The following SNX29 variants were observed in gnomAD, a reference collection of about 807,000 sequenced individuals.
SNX29 encodes sorting nexin-29.
SNX29 carries 78 observed loss-of-function variants against 102.1 expected under a neutral mutation model. The observed-to-expected ratio is 0.76, with a 90% CI of 0.64 to 0.92. The LOEUF (loss-of-function observed/expected upper bound fraction) is 0.92. SNX29 is among the 40% of genes least tolerant of loss of function. The pLI, the probability that SNX29 is intolerant of heterozygous loss-of-function variation, is 0.00. For missense variants in SNX29, 1,280 were observed against 1,061.7 expected (o/e 1.21, Z -2.86); for synonymous variants, 580 against 414.5 (o/e 1.40, Z -4.85).
intron 15 of SNX29, among the ~76,000 whole-genome samples, chr16:12,329,868 T>C (rs2081244546): frequency 6.6e-6 from 1 of 152,196 alleles, no homozygotes; most frequent in Admixed American, 6.5e-5. Flanking sequence ...TGACAAGAGC[T>C]GTTTTTTTCT....
In SNX29 at chr16:12,431,955, GC is replaced by G. The variant is rs2085335216; in HGVS notation, c.2037+28429del. 3.9e-5 allele frequency among the ~76,000 whole-genome samples: 6 copies of G among 152,334 alleles called. No homozygotes were observed. In the South Asian group the frequency reaches 1.2e-3, roughly 32 times the overall value. ...AACCTTCTGTGCAGGCCTCTTCTGT[GC>G]CCTGGGGATATACTCAGGAGGCCAG... On this transcript the variant is annotated intron_variant, in intron 18 of 20. Transcript: ENST00000566228.
At chr16:12,521,785 C>G (rs890659021) in intron 19 of SNX29, among the ~76,000 whole-genome samples, 1 of 152,192 alleles carries the variant, frequency 6.6e-6, no homozygotes, top group Non-Finnish European at 1.5e-5. Flanking sequence ...AACCAAGGAG[C>G]AGAACCAGCA....
chr16:12,464,757 A>T (rs530091862), intron 18 of SNX29, among the ~76,000 whole-genome samples: 1 of 152,214 alleles, frequency 6.6e-6, no homozygotes, highest in Admixed American at 6.5e-5. Flanking sequence ...ACCCTGTCTT[A>T]TTTTCTTTAG....
Position 12,474,516 on chromosome 16 carries a change from G to C in SNX29, c.2038-3203G>C, listed in dbSNP as rs143434973. ...GGTGCCCATGTGGAAGGTGGAGAGA[G>C]AGCAGTTGGAGAAGAGGGAGACTGA... is the stretch of plus-strand genomic sequence containing the variant. On this transcript the variant is annotated intron_variant, in intron 18 of 20. Coordinates refer to ENST00000566228, the MANE Select transcript of SNX29 (RefSeq NM_032167.5). 1.6e-4 allele frequency among the ~76,000 whole-genome samples: 25 copies of C among 152,296 alleles called. No individual in the cohort carries two copies. In the East Asian group the frequency reaches 4.1e-3, roughly 25 times the overall value.
At chr16:12,499,337 A>G (rs554696207) in intron 19 of SNX29, among the ~76,000 whole-genome samples, 1 of 152,310 alleles carries the variant, frequency 6.6e-6, no homozygotes, top group African/African-American at 2.4e-5. Context: ...TTTGTGGTGG[A>G]TTAGGCTTCA....
intron 20 of SNX29, among the ~76,000 whole-genome samples, chr16:12,538,535 A>AG (rs1369598849): frequency 2.0e-5 from 3 of 152,102 alleles, no homozygotes; most frequent in Non-Finnish European, 4.4e-5. Flanking sequence ...CTTATGCGTG[A>AG]GGTGATGGGC....
chr16:12,564,289 T>C (rs895975447), intron 20 of SNX29, among the ~76,000 whole-genome samples: 2 of 152,246 alleles, frequency 1.3e-5, no homozygotes, highest in Admixed American at 1.3e-4. Context: ...TAAAAGTTCC[T>C]ATGAAGTTGC....
chr16:12,265,073 A>G (rs1331851018), intron 14 of SNX29, among the ~76,000 whole-genome samples: 2 of 152,236 alleles, frequency 1.3e-5, no homozygotes, highest in African/African-American at 2.4e-5. Context: ...GGGGTGATCC[A>G]TGATACCCTG....
In SNX29 at chr16:12,568,865, C is replaced by T. The variant is rs753392253; in HGVS notation, c.*236C>T. The T allele has an allele frequency of 6.5e-6, 4 of 610,888 alleles. No individual in the cohort carries two copies. In the East Asian group the frequency reaches 9.2e-5, roughly 14 times the overall value. The allele number at this position is 610,888 out of a possible 1,614,324, so 37.8% of individuals were successfully genotyped here. ...CGCTGGAGAGACTGGGACACACAGT[C>T]CTTCTGCTTCTGGGGTCTACCCTGG... On this transcript the variant is annotated 3_prime_UTR_variant, in exon 21 of 21. Coordinates refer to ENST00000566228, the MANE Select transcript of SNX29 (RefSeq NM_032167.5).
intron 1 of SNX29, among the ~76,000 whole-genome samples, chr16:11,998,449 A>G (rs1000665188): frequency 2.0e-5 from 3 of 152,142 alleles, no homozygotes; most frequent in African/African-American, 4.8e-5. Flanking sequence ...TAACAGCCCA[A>G]TGTGCAGTGG....
chr16:12,529,830 C>G (rs767373945), intron 20 of SNX29, among the ~76,000 whole-genome samples: 3 of 152,148 alleles, frequency 2.0e-5, no homozygotes, highest in Non-Finnish European at 4.4e-5. Flanking sequence ...TCACTTGAAC[C>G]TAAGCTGCTT....
At chr16:12,543,645 C>G (rs1442561173) in intron 20 of SNX29, among the ~76,000 whole-genome samples, 1 of 152,092 alleles carries the variant, frequency 6.6e-6, no homozygotes, top group African/African-American at 2.4e-5. Context: ...CTGGTGCCGT[C>G]TGTCTCCAGA....
At chr16:12,557,212 C>G (rs987578668) in intron 20 of SNX29, 4 of 152,220 alleles carry the variant, frequency 2.6e-5, no homozygotes, top group African/African-American at 9.7e-5. Context: ...GAGGGAAAGG[C>G]TGACATACGA....
Position 12,377,056 on chromosome 16 carries a change from G to T in SNX29, c.1899+20777G>T, listed in dbSNP as rs557873166. Among the ~76,000 whole-genome samples, 19 of 152,284 alleles carry T rather than the reference G, an allele frequency of 1.2e-4. No homozygotes were observed. In the South Asian group the frequency reaches 2.3e-3, roughly 18 times the overall value. ...CATTGAAAGCCCCAAATCAGCTGGG[G>T]TGAAGACGGGGATCAAGGACCTGGG... is the stretch of plus-strand genomic sequence containing the variant. On this transcript the variant is annotated intron_variant, in intron 16 of 20. Transcript: ENST00000566228.
At chr16:12,309,830 G>A (rs562121642) in intron 15 of SNX29, among the ~76,000 whole-genome samples, 72 of 152,274 alleles carry the variant, frequency 4.7e-4, no homozygotes, top group Middle Eastern at 3.4e-3. Context: ...ACCTGCGTAG[G>A]TGTCATGCAG....
At chr16:12,174,736 A>G (rs1025156152) in intron 13 of SNX29, among the ~76,000 whole-genome samples, 1 of 152,240 alleles carries the variant, frequency 6.6e-6, no homozygotes, top group South Asian at 2.1e-4. Context: ...ATGATGAACA[A>G]TAAAAAGATT....
At chr16:12,403,667 T>C in intron 18 of SNX29, 138 bp downstream of exon 18, 1 of 811,190 alleles carries the variant, frequency 1.2e-6, no homozygotes, top group Non-Finnish European at 2.0e-6. Context: ...ACATCTTAAC[T>C]GCCCAGAGGC....
intron 20 of SNX29, among the ~76,000 whole-genome samples, chr16:12,565,800 A>G (rs1275929515): frequency 1.3e-5 from 2 of 151,850 alleles, no homozygotes; most frequent in Non-Finnish European, 2.9e-5. Context: ...CCCTTTACAC[A>G]GCAACCCTCA....
At chr16:12,362,277 C>T (rs1339074907) in intron 16 of SNX29, among the ~76,000 whole-genome samples, 1 of 151,716 alleles carries the variant, frequency 6.6e-6, no homozygotes, top group Non-Finnish European at 1.5e-5. Context: ...AGATGAAATC[C>T]TCCCTTTAGC....
Sources: gnomAD v4.1 joint callset for allele counts (sites outside exome capture counted in the v4.1 genomes callset) on GRCh38, gnomAD v4.1.1 for gene constraint, MANE v1.5 for transcripts, NCBI Gene and HGNC (gene_info 2026-07-23, HGNC 2026-07-21) for gene names.